The following HS3ST4 variants were observed in gnomAD, a reference collection of about 807,000 sequenced individuals.
HS3ST4 encodes the protein heparan sulfate-glucosamine 3-sulfotransferase 4, also known as heparan sulfate glucosamine 3-O-sulfotransferase 4.
In HS3ST4, 17 loss-of-function variants were observed where a neutral mutation model predicts 29.2. That is an observed-to-expected ratio of 0.58 (90% CI 0.40 to 0.87). The LOEUF (loss-of-function observed/expected upper bound fraction) is 0.87. HS3ST4 is among the 40% of genes least tolerant of loss of function. The pLI is 0.00. For missense variants in HS3ST4, 627 were observed against 634.5 expected (o/e 0.99, Z 0.13); for synonymous variants, 314 against 285.7 (o/e 1.10, Z -1.00).
intron 1 of HS3ST4, among the ~76,000 whole-genome samples, chr16:25,862,457 T>C (rs1967647937): frequency 6.6e-6 from 1 of 152,138 alleles, no homozygotes; most frequent in Admixed American, 6.5e-5. Context: ...TCTCCCAAAG[T>C]GTTGGGATTA....
chr16:26,062,039 T>C (rs1898482169), intron 1 of HS3ST4, among the ~76,000 whole-genome samples: 1 of 152,344 alleles, frequency 6.6e-6, no homozygotes, highest in East Asian at 1.9e-4. Flanking sequence ...CTACATCATG[T>C]GTTCTACCAT....
chr16:26,119,742 C>T (rs573511713), intron 1 of HS3ST4, among the ~76,000 whole-genome samples: 4 of 152,116 alleles, frequency 2.6e-5, no homozygotes, highest in African/African-American at 4.8e-5. Flanking sequence ...AAATATTTAT[C>T]GAGGCCTACT....
intron 1 of HS3ST4, among the ~76,000 whole-genome samples, chr16:25,944,585 T>A (rs751997195): frequency 2.0e-5 from 3 of 152,218 alleles, no homozygotes; most frequent in Non-Finnish European, 4.4e-5. Flanking sequence ...GTTGAGACAT[T>A]CCCTTCTGAG....
chr16:25,947,074 T>A (rs1210162820), intron 1 of HS3ST4, among the ~76,000 whole-genome samples: 1 of 152,140 alleles, frequency 6.6e-6, no homozygotes, highest in East Asian at 1.9e-4. Flanking sequence ...CAAGTGTGTG[T>A]GTGTGGTGAT....
In HS3ST4 at chr16:26,136,294, C is replaced by T. The variant is rs1223014581; in HGVS notation, c.*46C>T. On this transcript the variant is annotated 3_prime_UTR_variant, in exon 2 of 2. Transcript: ENST00000331351. ...GCTAGTCAATAAGCTAAGGAGGCTCCTTGCCTGAGTCCTTGAATACCCCAG... is the reference window on the plus strand; with the variant it reads ...GCTAGTCAATAAGCTAAGGAGGCTCTTTGCCTGAGTCCTTGAATACCCCAG... The T allele has an allele frequency of 6.5e-7, 1 of 1,537,200 alleles. No individual in the cohort carries two copies. Among genetic ancestry groups the T allele is most frequent in the South Asian group, 1.3e-5 (1 of 79,906 alleles).
At chr16:26,123,763 G>A (rs961414343) in intron 1 of HS3ST4, among the ~76,000 whole-genome samples, 3 of 152,062 alleles carry the variant, frequency 2.0e-5, no homozygotes, top group African/African-American at 2.4e-5. Context: ...GAGAACATGC[G>A]ATATTTGGTT....
intron 1 of HS3ST4, among the ~76,000 whole-genome samples, chr16:25,968,220 C>G (rs1968862477): frequency 6.6e-6 from 1 of 152,176 alleles, no homozygotes. Flanking sequence ...CTTGTTCTTC[C>G]TGAGGATGAG....
chr16:25,904,886 A>G (rs1326159336), intron 1 of HS3ST4, among the ~76,000 whole-genome samples: 1 of 152,214 alleles, frequency 6.6e-6, no homozygotes, highest in Non-Finnish European at 1.5e-5. Flanking sequence ...CCTGGTACAG[A>G]GTCAATGGTC....
At chr16:25,985,776 G>A (rs557175281) in intron 1 of HS3ST4, among the ~76,000 whole-genome samples, 1 of 151,954 alleles carries the variant, frequency 6.6e-6, no homozygotes, top group Admixed American at 6.6e-5. Context: ...AGCCTCAACC[G>A]CTGGGCTCAA....
intron 1 of HS3ST4, among the ~76,000 whole-genome samples, chr16:26,048,897 G>T (rs1898302337): frequency 6.6e-6 from 1 of 152,092 alleles, no homozygotes; most frequent in Non-Finnish European, 1.5e-5. Flanking sequence ...TTTTCTTGCA[G>T]TTCTTTAAGG....
At chr16:25,969,635 A>G (rs1968877429) in intron 1 of HS3ST4, among the ~76,000 whole-genome samples, 2 of 152,336 alleles carry the variant, frequency 1.3e-5, no homozygotes, top group South Asian at 2.1e-4. Context: ...TTTCATGAGT[A>G]AAATGAAGGC....
At chr16:25,809,936 C>A (rs1967025863) in intron 1 of HS3ST4, among the ~76,000 whole-genome samples, 2 of 152,076 alleles carry the variant, frequency 1.3e-5, no homozygotes, top group African/African-American at 2.4e-5. Flanking sequence ...AAAGAACCAG[C>A]TATTTGTTTC....
At chr16:25,730,361 C>CT (rs1395669208) in intron 1 of HS3ST4, among the ~76,000 whole-genome samples, 1 of 148,498 alleles carries the variant, frequency 6.7e-6, no homozygotes, top group African/African-American at 2.5e-5. Flanking sequence ...TCCTCCCTCC[C>CT]TCCCTTCCTT....
intron 1 of HS3ST4, among the ~76,000 whole-genome samples, chr16:26,030,915 T>C (rs963535087): frequency 6.6e-6 from 1 of 152,322 alleles, no homozygotes. Context: ...GAACATGAAC[T>C]CCATAAAAGC....
intron 1 of HS3ST4, among the ~76,000 whole-genome samples, chr16:25,894,720 G>T (rs1246779307): frequency 6.6e-6 from 1 of 151,966 alleles, no homozygotes; most frequent in Non-Finnish European, 1.5e-5. Context: ...TGGCCAGGCT[G>T]GTCTCGAACT....
chr16:26,036,663 T>C (rs925564176), intron 1 of HS3ST4, among the ~76,000 whole-genome samples: 2 of 152,202 alleles, frequency 1.3e-5, no homozygotes, highest in African/African-American at 4.8e-5. Context: ...TCCAGAGATA[T>C]TAAACAATCA....
At chr16:25,832,879 A>G (rs1329304586) in intron 1 of HS3ST4, among the ~76,000 whole-genome samples, 2 of 152,210 alleles carry the variant, frequency 1.3e-5, no homozygotes, top group Non-Finnish European at 1.5e-5. Flanking sequence ...TTCCCCAAAC[A>G]AAAAATAAGG....
chr16:25,985,027 C>T (rs1969048391), intron 1 of HS3ST4, among the ~76,000 whole-genome samples: 2 of 152,226 alleles, frequency 1.3e-5, no homozygotes, highest in Non-Finnish European at 2.9e-5. Flanking sequence ...AGAAGTAGAA[C>T]ATAGTTATCG....
chr16:25,987,176 C>G (rs1969072827), intron 1 of HS3ST4, among the ~76,000 whole-genome samples: 1 of 117,936 alleles, frequency 8.5e-6, no homozygotes, highest in African/African-American at 2.8e-5. Flanking sequence ...CATAGAGAAA[C>G]CCCGTCTCTA....
Sources: allele counts gnomAD v4.1 joint callset (sites outside exome capture counted in the v4.1 genomes callset), GRCh38; gene constraint gnomAD v4.1.1; transcripts MANE v1.5; gene names NCBI Gene and HGNC (gene_info 2026-07-23, HGNC 2026-07-21).